Variants in SMARCC1 observed in about 807,000 individuals in gnomAD.
The protein encoded by SMARCC1 is SWI/SNF complex subunit SMARCC1.
Under a neutral mutation model 147.4 loss-of-function variants are expected in SMARCC1, and 43 were observed. That is an observed-to-expected ratio of 0.29 (90% CI 0.23 to 0.38). The LOEUF (loss-of-function observed/expected upper bound fraction) is 0.38. Among genes scored for constraint, SMARCC1 ranks in the 10% least tolerant of loss-of-function variants. The pLI is 1.00. For synonymous variants in SMARCC1, 495 were observed against 484.4 expected (o/e 1.02, Z -0.29); for missense variants, 1,119 against 1,381.1 (o/e 0.81, Z 3.01).
intron 1 of SMARCC1, among the ~76,000 whole-genome samples, chr3:47,776,482 T>C (rs1358004381): frequency 6.6e-6 from 1 of 152,074 alleles, no homozygotes; most frequent in Non-Finnish European, 1.5e-5. Context: ...CACACACCTG[T>C]AATTCCAGCT....
intron 25 of SMARCC1, among the ~76,000 whole-genome samples, chr3:47,614,700 C>T (rs914418639): frequency 1.3e-5 from 2 of 152,200 alleles, no homozygotes; most frequent in Non-Finnish European, 2.9e-5. Context: ...CTAACAGCCT[C>T]CACACCAAGT....
intron 6 of SMARCC1, among the ~76,000 whole-genome samples, chr3:47,725,652 A>T (rs2034289730): frequency 6.8e-6 from 1 of 148,038 alleles, no homozygotes; most frequent in Non-Finnish European, 1.5e-5. Flanking sequence ...GGGTTTCACC[A>T]TGTTGGCAAG....
intron 18 of SMARCC1, among the ~76,000 whole-genome samples, chr3:47,672,492 C>T (rs2033513938): frequency 6.6e-6 from 1 of 152,114 alleles, no homozygotes. Context: ...AGGTGTGAGC[C>T]ACCGCGTCCA....
chr3:47,774,878 C>T (rs58781106), intron 1 of SMARCC1, among the ~76,000 whole-genome samples: 18 of 151,758 alleles, frequency 1.2e-4, no homozygotes, highest in Non-Finnish European at 1.5e-5. Flanking sequence ...GTAATGACAG[C>T]CACCGCAGCC....
intron 25 of SMARCC1, among the ~76,000 whole-genome samples, chr3:47,612,240 T>C (rs567561064): frequency 1.0e-3 from 152 of 152,344 alleles, no homozygotes; most frequent in Non-Finnish European, 1.9e-3. Context: ...GAAATCTAAA[T>C]ATTCTGGCTA....
chr3:47,685,515 T>C (rs1293879603), intron 14 of SMARCC1, among the ~76,000 whole-genome samples: 1 of 150,946 alleles, frequency 6.6e-6, no homozygotes, highest in Non-Finnish European at 1.5e-5. Flanking sequence ...CAAACCTAAA[T>C]TACAACAAAA....
At chr3:47,730,349 T>G (rs1466217323) in intron 5 of SMARCC1, among the ~76,000 whole-genome samples, 1 of 152,030 alleles carries the variant, frequency 6.6e-6, no homozygotes, top group African/African-American at 2.4e-5. Flanking sequence ...AGCCCGGCAC[T>G]TTTGTGCCTG....
intron 9 of SMARCC1, among the ~76,000 whole-genome samples, chr3:47,710,143 C>G (rs1238671043): frequency 3.3e-5 from 5 of 152,010 alleles, no homozygotes; most frequent in Admixed American, 1.3e-4. Flanking sequence ...ATGGAGAAAC[C>G]CTGTCTCTAC....
chr3:47,614,384 T>C (rs2032608155), intron 25 of SMARCC1, among the ~76,000 whole-genome samples: 1 of 152,168 alleles, frequency 6.6e-6, no homozygotes, highest in South Asian at 2.1e-4. Flanking sequence ...CAAATAAAAC[T>C]ACCTTTAATG....
At chr3:47,596,574 A>G (rs978519829) in intron 26 of SMARCC1, among the ~76,000 whole-genome samples, 1 of 151,568 alleles carries the variant, frequency 6.6e-6, no homozygotes, top group African/African-American at 2.4e-5. Context: ...CTCAAAAAAA[A>G]AAAAATAAAT....
Position 47,620,636 on chromosome 3 carries a change from T to A in SMARCC1, c.2781+1571A>T, listed in dbSNP as rs139140308. Among the ~76,000 whole-genome samples the A allele has an allele frequency of 7.1e-4, 108 of 152,284 alleles. 1 individual carries two copies. The highest frequency in any genetic ancestry group is 2.5e-3 in the African/African-American group (104 of 41,548). ...CCTTTTCATAATTCTCTTGGTCCCG[T>A]TTGGCCCATGACCTTATGTCAAAAG... On this transcript the variant is annotated intron_variant, in intron 25 of 27. Transcript: ENST00000254480.
intron 2 of SMARCC1, among the ~76,000 whole-genome samples, chr3:47,770,877 G>T (rs2106874351): frequency 6.6e-6 from 1 of 152,064 alleles, no homozygotes; most frequent in South Asian, 2.1e-4. Flanking sequence ...TTTACAGCAA[G>T]ATCACCGAAA....
At chr3:47,642,323 C>T (rs578141250) in intron 21 of SMARCC1, among the ~76,000 whole-genome samples, 23 of 152,292 alleles carry the variant, frequency 1.5e-4, no homozygotes, top group Non-Finnish European at 2.6e-4. Context: ...GGTGCAGTGG[C>T]TCGGACCTGT....
intron 6 of SMARCC1, among the ~76,000 whole-genome samples, chr3:47,721,730 G>A (rs1387120154): frequency 6.6e-6 from 1 of 152,146 alleles, no homozygotes; most frequent in Non-Finnish European, 1.5e-5. Flanking sequence ...GTGAAAGGGG[G>A]CCAGGTGTGG....
chr3:47,764,726 T>C (rs773735702), intron 2 of SMARCC1, among the ~76,000 whole-genome samples: 2 of 152,200 alleles, frequency 1.3e-5, no homozygotes, highest in Non-Finnish European at 2.9e-5. Context: ...AGAAGCTAGC[T>C]AACTAGATTT....
At chr3:47,659,535 G>A (rs1042790638) in intron 21 of SMARCC1, among the ~76,000 whole-genome samples, 4 of 152,088 alleles carry the variant, frequency 2.6e-5, no homozygotes, top group Non-Finnish European at 5.9e-5. Flanking sequence ...GGTTCAACAT[G>A]TGAGAATCAA....
chr3:47,719,944 C>G (rs573202105), intron 7 of SMARCC1, among the ~76,000 whole-genome samples: 1 of 151,886 alleles, frequency 6.6e-6, no homozygotes, highest in Non-Finnish European at 1.5e-5. Context: ...ACCATGTTGG[C>G]CAGGCTGGTC....
intron 24 of SMARCC1, among the ~76,000 whole-genome samples, chr3:47,630,992 G>A (rs570848462): frequency 2.8e-4 from 42 of 152,216 alleles, no homozygotes; most frequent in African/African-American, 1.0e-3. Context: ...TTGAGCCCAG[G>A]ACATGGAGGC....
chr3:47,733,179 C>T (rs1487480033), intron 5 of SMARCC1, among the ~76,000 whole-genome samples: 2 of 152,188 alleles, frequency 1.3e-5, no homozygotes. Context: ...ATGTGATACA[C>T]AGACATAATG....
Sources: allele counts gnomAD v4.1 joint callset (sites outside exome capture counted in the v4.1 genomes callset), GRCh38; gene constraint gnomAD v4.1.1; transcripts MANE v1.5; gene names NCBI Gene and HGNC (gene_info 2026-07-23, HGNC 2026-07-21).